The following CYP7B1 variants were observed in gnomAD, a reference collection of about 807,000 sequenced individuals.
CYP7B1 encodes cytochrome P450 7B1.
In CYP7B1, 29 loss-of-function variants were observed where a neutral mutation model predicts 42.7. The ratio of observed to expected loss-of-function variants is 0.68; its 90% confidence interval spans 0.51 to 0.93. CYP7B1 has a LOEUF of 0.93. CYP7B1 is among the 40% of genes least tolerant of loss of function. The probability of loss-of-function intolerance (pLI) is 0.00; values close to 1 mark genes in which losing one functional copy is unlikely to be tolerated. For missense variants in CYP7B1, 655 were observed against 600.5 expected, an observed-to-expected ratio of 1.09 and a Z score of -0.95; for synonymous variants, 235 against 218.2, an observed-to-expected ratio of 1.08 and a Z score of -0.68.
rs1805050378 is a variant in CYP7B1 at position 64,592,388 on chromosome 8, A to G, written c.*4254T>C. Among the ~76,000 whole-genome samples the G allele has an allele frequency of 6.6e-6, 1 of 152,238 alleles. No individual in the cohort carries two copies. The highest frequency in any genetic ancestry group is 6.5e-5 in the Admixed American group (1 of 15,288). On this transcript the variant is annotated 3_prime_UTR_variant, in exon 6 of 6. Coordinates refer to ENST00000310193, the MANE Select transcript of CYP7B1 (RefSeq NM_004820.5). ...GATGGAAGGCTAGTTAGAACTAGTG[A>G]TAAATCAGAATTTTAAAATAGTTTT...
At chr8:64,728,856 T>C (rs979249029) in intron 1 of CYP7B1, 1 of 152,326 alleles carries the variant, frequency 6.6e-6, no homozygotes, top group African/African-American at 2.4e-5. Flanking sequence ...GAGAATATCC[T>C]ACCCAAGAAA....
chr8:64,711,253 T>C (rs781394663), intron 1 of CYP7B1, among the ~76,000 whole-genome samples: 101 of 152,182 alleles, frequency 6.6e-4, no homozygotes, highest in Non-Finnish European at 2.8e-4. Flanking sequence ...CTACAACTTC[T>C]AGACTAGCAG....
At chr8:64,646,232 C>T (rs1226489068) in intron 1 of CYP7B1, among the ~76,000 whole-genome samples, 1 of 151,786 alleles carries the variant, frequency 6.6e-6, no homozygotes, top group Non-Finnish European at 1.5e-5. Context: ...TTCTGCACAG[C>T]AAAAGAAACT....
intron 1 of CYP7B1, among the ~76,000 whole-genome samples, chr8:64,649,378 A>G (rs1400368140): frequency 6.6e-6 from 1 of 152,178 alleles, no homozygotes; most frequent in African/African-American, 2.4e-5. Flanking sequence ...GTTGTTACAT[A>G]TTGCGGAATT....
At chr8:64,729,555 G>T (rs1335230049) in intron 1 of CYP7B1, among the ~76,000 whole-genome samples, 1 of 152,176 alleles carries the variant, frequency 6.6e-6, no homozygotes, top group African/African-American at 2.4e-5. Flanking sequence ...AAATGTTAGA[G>T]AAATAAAAAA....
intron 1 of CYP7B1, chr8:64,728,926 T>C (rs553912089): frequency 6.6e-6 from 1 of 152,320 alleles, no homozygotes; most frequent in South Asian, 2.1e-4. Context: ...TTGGAGGCCA[T>C]GGCAGGTGAA....
intron 1 of CYP7B1, among the ~76,000 whole-genome samples, chr8:64,677,307 C>A (rs1806460966): frequency 6.6e-6 from 1 of 151,660 alleles, no homozygotes; most frequent in African/African-American, 2.4e-5. Flanking sequence ...CCTTTTAAAG[C>A]CAACCAAAAT....
intron 1 of CYP7B1, among the ~76,000 whole-genome samples, chr8:64,688,557 A>C (rs1806691410): frequency 6.6e-6 from 1 of 152,194 alleles, no homozygotes; most frequent in East Asian, 1.9e-4. Context: ...ATCCCCTATA[A>C]GCTTTCAGAA....
intron 1 of CYP7B1, among the ~76,000 whole-genome samples, chr8:64,708,498 T>C (rs947104627): frequency 6.6e-6 from 1 of 152,194 alleles, no homozygotes; most frequent in African/African-American, 2.4e-5. Context: ...CAAATTTTTT[T>C]AAATATAATG....
At chr8:64,601,840 G>A (rs968630083) in intron 5 of CYP7B1, among the ~76,000 whole-genome samples, 1 of 152,192 alleles carries the variant, frequency 6.6e-6, no homozygotes, top group African/African-American at 2.4e-5. Context: ...TAGTTCAGAA[G>A]TAGCCAGTGG....
intron 1 of CYP7B1, among the ~76,000 whole-genome samples, chr8:64,719,238 T>C (rs902715848): frequency 6.6e-6 from 1 of 152,136 alleles, no homozygotes; most frequent in African/African-American, 2.4e-5. Context: ...CACTCAGATA[T>C]CAACCACTTA....
chr8:64,604,746 C>T lies in CYP7B1; in HGVS notation c.1169G>A (p.Gly390Glu). The change falls in exon 5 of 6, where the codon GGA (glycine) becomes GAA (glutamate). Residue 390 changes from glycine to glutamate, a missense_variant. Gly to Glu is a moderately conservative substitution (Grantham distance 98). Transcript: ENST00000310193. ...TGGAGGAAAGATGGCTACCAAGTCTCCCTTTCGCACACAGTAGTCCCCGGT... is the reference window on the plus strand; with the variant it reads ...TGGAGGAAAGATGGCTACCAAGTCTTCCTTTCGCACACAGTAGTCCCCGGT... ...SETGDYCVRK[G>E]DLVAIFPPVL... 6.2e-7 allele frequency: 1 copy of T among 1,614,162 alleles called. No homozygotes were observed. The highest frequency in any genetic ancestry group is 1.1e-5 in the South Asian group (1 of 91,076).
intron 1 of CYP7B1, among the ~76,000 whole-genome samples, chr8:64,797,338 G>A (rs1365657111): frequency 6.6e-6 from 1 of 152,142 alleles, no homozygotes; most frequent in Non-Finnish European, 1.5e-5. Context: ...CATCTTAACT[G>A]GCTTGCAAAT....
intron 1 of CYP7B1, among the ~76,000 whole-genome samples, chr8:64,769,244 G>C (rs2129636278): frequency 6.6e-6 from 1 of 152,176 alleles, no homozygotes; most frequent in South Asian, 2.1e-4. Context: ...ACCATGCCTT[G>C]ATGAAAACAT....
chr8:64,604,541 T>C, intron 5 of CYP7B1, 141 bp downstream of exon 5: 3 of 818,234 alleles, frequency 3.7e-6, no homozygotes, highest in Non-Finnish European at 6.0e-6. Context: ...GAAAGCTTTC[T>C]TATTAGGAGG....
chr8:64,747,728 G>A (rs544349843), intron 1 of CYP7B1, among the ~76,000 whole-genome samples: 16 of 151,940 alleles, frequency 1.1e-4, no homozygotes, highest in Non-Finnish European at 2.2e-4. Context: ...TTACCGATAC[G>A]TAAAATGGGG....
chr8:64,620,201 C>T (rs548078890), intron 2 of CYP7B1, among the ~76,000 whole-genome samples: 1 of 152,148 alleles, frequency 6.6e-6, no homozygotes, highest in African/African-American at 2.4e-5. Context: ...AAAGAAGAGA[C>T]AAATTTGAAT....
At chr8:64,620,362 C>T (rs1343446141) in intron 2 of CYP7B1, among the ~76,000 whole-genome samples, 2 of 152,022 alleles carry the variant, frequency 1.3e-5, no homozygotes, top group Non-Finnish European at 2.9e-5. Context: ...GTACATATCC[C>T]CCCGCTTATT....
chr8:64,651,761 C>T (rs1806042592), intron 1 of CYP7B1, among the ~76,000 whole-genome samples: 1 of 152,190 alleles, frequency 6.6e-6, no homozygotes, highest in Admixed American at 6.5e-5. Context: ...AAGCAGCCCT[C>T]ACCAGACACC....
Sources: gnomAD v4.1 joint callset for allele counts (sites outside exome capture counted in the v4.1 genomes callset) on GRCh38, gnomAD v4.1.1 for gene constraint, MANE v1.5 for transcripts, NCBI Gene and HGNC (gene_info 2026-07-23, HGNC 2026-07-21) for gene names.